The following COL19A1 variants were observed in gnomAD, a reference collection of about 807,000 sequenced individuals.
The protein encoded by COL19A1 is collagen alpha-1(XIX) chain.
A neutral mutation model predicts 190.2 loss-of-function variants in COL19A1; 159 were observed. The observed-to-expected ratio is 0.84, with a 90% CI of 0.73 to 0.95. COL19A1 has a LOEUF of 0.95. Ranked by LOEUF, COL19A1 falls within the 40% of genes least tolerant of loss-of-function variation. The pLI is 0.00. For missense variants in COL19A1, 1,418 were observed against 1,431.9 expected (o/e 0.99, Z 0.16); for synonymous variants, 509 against 458.9 (o/e 1.11, Z -1.39).
chr6:70,197,740 C>A (rs1767302046), intron 48 of COL19A1, among the ~76,000 whole-genome samples: 1 of 152,136 alleles, frequency 6.6e-6, no homozygotes, highest in Non-Finnish European at 1.5e-5. Context: ...GGACCAGCAT[C>A]CATTAGATCC....
intron 15 of COL19A1, among the ~76,000 whole-genome samples, chr6:70,091,433 C>G (rs1257592504): frequency 6.6e-6 from 1 of 152,158 alleles, no homozygotes; most frequent in Admixed American, 6.6e-5. Context: ...GGTAAAGCAT[C>G]TAACCCACAA....
intron 18 of COL19A1, among the ~76,000 whole-genome samples, chr6:70,133,445 C>G (rs1039590668): frequency 6.6e-6 from 1 of 152,162 alleles, no homozygotes; most frequent in Admixed American, 6.5e-5. Flanking sequence ...TCCACATGAC[C>G]AGTCTACCAG....
intron 15 of COL19A1, among the ~76,000 whole-genome samples, chr6:70,085,308 C>G (rs75706963): frequency 0.053 from 8,054 of 152,120 alleles, 695 homozygotes; most frequent in African/African-American, 0.18. Context: ...AACACTGTAC[C>G]TCAGTGTAGA....
intron 5 of COL19A1, 135 bp downstream of exon 5, chr6:69,928,167 G>C: frequency 8.9e-7 from 1 of 1,120,404 alleles, no homozygotes; most frequent in Admixed American, 2.4e-5. Flanking sequence ...TCATCAACAA[G>C]AAAATGCAAG....
chr6:70,206,440 C>A (rs1304253540), intron 49 of COL19A1, among the ~76,000 whole-genome samples: 1 of 152,018 alleles, frequency 6.6e-6, no homozygotes, highest in Non-Finnish European at 1.5e-5. Flanking sequence ...ACTAGCCTGG[C>A]CAACATGGCA....
chr6:70,137,385 A>T (rs1785938070), intron 18 of COL19A1, among the ~76,000 whole-genome samples: 2 of 152,198 alleles, frequency 1.3e-5, no homozygotes, highest in Admixed American at 1.3e-4. Flanking sequence ...ACAAAATTAT[A>T]ATTTTTCTCC....
intron 11 of COL19A1, among the ~76,000 whole-genome samples, chr6:69,985,413 A>G (rs937626495): frequency 3.3e-5 from 5 of 152,184 alleles, no homozygotes; most frequent in Non-Finnish European, 5.9e-5. Flanking sequence ...CGAGTTCAGC[A>G]ACATTAGCAA....
chr6:69,975,102 C>T (rs191542011), intron 11 of COL19A1, among the ~76,000 whole-genome samples: 23 of 152,162 alleles, frequency 1.5e-4, no homozygotes, highest in Admixed American at 2.6e-4. Flanking sequence ...CGTGAGCCAC[C>T]GCACCCAGCC....
At chr6:70,107,445 T>A (rs970257775) in intron 16 of COL19A1, among the ~76,000 whole-genome samples, 1 of 152,168 alleles carries the variant, frequency 6.6e-6, no homozygotes, top group African/African-American at 2.4e-5. Flanking sequence ...CTACCCCACC[T>A]ACTTTTTCCC....
chr6:70,196,869 T>C (rs534964275), intron 48 of COL19A1, among the ~76,000 whole-genome samples: 6 of 152,160 alleles, frequency 3.9e-5, no homozygotes, highest in Non-Finnish European at 7.4e-5. Context: ...CTCTGAAACA[T>C]ATTATTGTAA....
chr6:69,939,778 T>C (rs1490951720), intron 9 of COL19A1, among the ~76,000 whole-genome samples: 1 of 152,124 alleles, frequency 6.6e-6, no homozygotes, highest in Non-Finnish European at 1.5e-5. Flanking sequence ...CCAACTCTTC[T>C]CTGGTTAGAG....
At chr6:69,990,332 A>AT (rs1402208615) in intron 11 of COL19A1, among the ~76,000 whole-genome samples, 1 of 152,086 alleles carries the variant, frequency 6.6e-6, no homozygotes, top group Non-Finnish European at 1.5e-5. Context: ...CATAATCATT[A>AT]TTTCATTATA....
At chr6:70,201,251 T>C (rs1767531403) in intron 49 of COL19A1, among the ~76,000 whole-genome samples, 2 of 152,222 alleles carry the variant, frequency 1.3e-5, no homozygotes. Flanking sequence ...AAAACAGCTC[T>C]GGAACTGGGG....
intron 17 of COL19A1, among the ~76,000 whole-genome samples, chr6:70,126,716 A>T (rs1226565132): frequency 6.6e-6 from 1 of 152,214 alleles, no homozygotes; most frequent in African/African-American, 2.4e-5. Context: ...CCTAAACAAC[A>T]CAAATATATC....
At chr6:70,103,290 C>T (rs1390563555) in intron 16 of COL19A1, among the ~76,000 whole-genome samples, 1 of 152,246 alleles carries the variant, frequency 6.6e-6, no homozygotes, top group East Asian at 1.9e-4. Context: ...TGTCAACGGC[C>T]TTAGTTTAGA....
At chr6:70,066,537 T>C (rs1781218489) in intron 14 of COL19A1, among the ~76,000 whole-genome samples, 2 of 152,192 alleles carry the variant, frequency 1.3e-5, no homozygotes, top group Admixed American at 1.3e-4. Flanking sequence ...ACATGGCACA[T>C]GTATACATAT....
At chr6:70,074,728 G>A (rs73486385) in intron 15 of COL19A1, among the ~76,000 whole-genome samples, 8,203 of 148,982 alleles carry the variant, frequency 0.055, 723 homozygotes, top group African/African-American at 0.2. Flanking sequence ...GAATTTATAG[G>A]AAGTAATTTT....
intron 10 of COL19A1, among the ~76,000 whole-genome samples, chr6:69,961,714 C>T (rs1177170031): frequency 1.3e-5 from 2 of 152,010 alleles, no homozygotes; most frequent in Non-Finnish European, 2.9e-5. Flanking sequence ...ATGTAACACA[C>T]ACACATATAT....
At chr6:70,044,819 A>G (rs1779820685) in intron 14 of COL19A1, among the ~76,000 whole-genome samples, 1 of 152,150 alleles carries the variant, frequency 6.6e-6, no homozygotes, top group African/African-American at 2.4e-5. Flanking sequence ...ATAAGCCCTT[A>G]TCAATCTTAC....
Sources: allele counts gnomAD v4.1 joint callset (sites outside exome capture counted in the v4.1 genomes callset), GRCh38; gene constraint gnomAD v4.1.1; transcripts MANE v1.5; gene names NCBI Gene and HGNC (gene_info 2026-07-23, HGNC 2026-07-21).